Variants in TUSC3 observed in about 807,000 individuals in gnomAD.
The protein encoded by TUSC3 is tumor suppressor candidate 3, also known as dolichyl-diphosphooligosaccharide--protein glycosyltransferase subunit TUSC3.
Under a neutral mutation model 44.8 loss-of-function variants are expected in TUSC3, and 45 were observed. That is an observed-to-expected ratio of 1.00 (90% CI 0.79 to 1.29). The LOEUF (loss-of-function observed/expected upper bound fraction) is 1.29, where lower values mean the gene tolerates loss of function less well. TUSC3 is among the 50% of genes most tolerant of loss of function. The pLI is 0.00. For synonymous variants in TUSC3, 212 were observed against 152.9 expected (o/e 1.39, Z -2.85); for missense variants, 519 against 437.9 (o/e 1.19, Z -1.65).
At chr8:15,714,964 G>A (rs540312648) in intron 6 of TUSC3, among the ~76,000 whole-genome samples, 138 of 152,094 alleles carry the variant, frequency 9.1e-4, no homozygotes, top group Non-Finnish European at 1.7e-3. Context: ...ATGATACAAC[G>A]GTAACAGCAT....
At chr8:15,489,914 A>G (rs1396616991) in intron 2 of TUSC3, among the ~76,000 whole-genome samples, 3 of 152,166 alleles carry the variant, frequency 2.0e-5, no homozygotes, top group Non-Finnish European at 2.9e-5. Flanking sequence ...AAGATAAAAG[A>G]TTAATTCTGA....
chr8:15,802,417 T>A, the TUSC3 span, among the ~76,000 whole-genome samples: 2 of 152,106 alleles, frequency 1.3e-5, no homozygotes, highest in Non-Finnish European at 2.9e-5. Context: ...ATATAAATAA[T>A]TGCAAAATTT....
At chr8:15,795,631 C>G in the TUSC3 span, among the ~76,000 whole-genome samples, 4 of 152,294 alleles carry the variant, frequency 2.6e-5, no homozygotes, top group East Asian at 1.9e-4. Flanking sequence ...TGCGTGGCTA[C>G]ACACAAGAAG....
At chr8:15,779,452 CAAA>C in the TUSC3 span, among the ~76,000 whole-genome samples, 125 of 148,022 alleles carry the variant, frequency 8.4e-4, no homozygotes, top group East Asian at 1.4e-3. Context: ...ACTCAGGAAA[CAAA>C]AAAGTACAAA....
At chr8:15,600,246 A>G (rs1037499788) in intron 1 of TUSC3, among the ~76,000 whole-genome samples, 3 of 151,778 alleles carry the variant, frequency 2.0e-5, no homozygotes, top group African/African-American at 7.2e-5. Context: ...ATTTGACAGT[A>G]GGGAGAATTA....
At chr8:15,447,190 A>T (rs967878226) in intron 1 of TUSC3, among the ~76,000 whole-genome samples, 3 of 152,186 alleles carry the variant, frequency 2.0e-5, no homozygotes, top group African/African-American at 7.2e-5. Context: ...ATTCAGGAAA[A>T]CCAGGTTTCC....
chr8:15,738,076 T>A (rs991921832), intron 7 of TUSC3, among the ~76,000 whole-genome samples: 11 of 152,154 alleles, frequency 7.2e-5, no homozygotes, highest in Admixed American at 2.0e-4. Flanking sequence ...TATGTCTTAA[T>A]TACACCCATC....
intron 6 of TUSC3, among the ~76,000 whole-genome samples, chr8:15,720,059 G>A: frequency 6.6e-6 from 1 of 152,024 alleles, no homozygotes; most frequent in East Asian, 1.9e-4. Flanking sequence ...GCTGGGACTA[G>A]AGGCACTTGC....
intron 10 of TUSC3, 101 bp from the exon 11 acceptor site, chr8:15,764,102 A>G: frequency 8.4e-7 from 1 of 1,184,140 alleles, no homozygotes; most frequent in Non-Finnish European, 1.2e-6. Context: ...ATGACATTTT[A>G]ATGTTATATT....
chr8:15,530,734 T>C (rs1801438909), intron 2 of TUSC3, among the ~76,000 whole-genome samples: 1 of 152,206 alleles, frequency 6.6e-6, no homozygotes, highest in Non-Finnish European at 1.5e-5. Flanking sequence ...CACTAGCACA[T>C]ATTAAGTGTG....
At chr8:15,547,539 TAAAAC>T (rs1320227674) in intron 1 of TUSC3, among the ~76,000 whole-genome samples, 1 of 151,548 alleles carries the variant, frequency 6.6e-6, no homozygotes, top group Non-Finnish European at 1.5e-5. Context: ...AAAATAAAAA[TAAAAC>T]AAGCAACAAG....
intron 10 of TUSC3, among the ~76,000 whole-genome samples, chr8:15,761,223 A>G (rs1233516425): frequency 6.6e-6 from 1 of 152,168 alleles, no homozygotes; most frequent in East Asian, 1.9e-4. Context: ...TCCTTAGCAA[A>G]TCAAAGACAG....
intron 2 of TUSC3, among the ~76,000 whole-genome samples, chr8:15,635,965 T>C (rs546442044): frequency 6.6e-6 from 1 of 152,316 alleles, no homozygotes; most frequent in East Asian, 1.9e-4. Context: ...AAAAGATAGA[T>C]GTTTCAAAGA....
At chr8:15,521,526 C>T (rs180915812) in intron 2 of TUSC3, among the ~76,000 whole-genome samples, 1 of 152,236 alleles carries the variant, frequency 6.6e-6, no homozygotes, top group African/African-American at 2.4e-5. Flanking sequence ...CCAGGGTGAC[C>T]AATCTTTGGG....
the TUSC3 span, among the ~76,000 whole-genome samples, chr8:15,786,368 T>G: frequency 6.6e-6 from 1 of 152,236 alleles, no homozygotes; most frequent in Non-Finnish European, 1.5e-5. Context: ...CTATATAGAC[T>G]ACTTTTAAGG....
chr8:15,503,961 C>T (rs754390718), intron 2 of TUSC3, among the ~76,000 whole-genome samples: 8 of 145,292 alleles, frequency 5.5e-5, no homozygotes, highest in African/African-American at 7.7e-5. Flanking sequence ...TTGCAGCAAG[C>T]GGAGATCGCA....
chr8:15,535,631 G>T (rs1267845349), upstream of TUSC3, among the ~76,000 whole-genome samples: 1 of 152,168 alleles, frequency 6.6e-6, no homozygotes, highest in Non-Finnish European at 1.5e-5. Context: ...GATAAAGCAA[G>T]CGCTATTCTA....
chr8:15,689,082 T>C, intron 6 of TUSC3: 1 of 374,192 alleles, frequency 2.7e-6, no homozygotes, highest in South Asian at 2.3e-5. Context: ...TGCCCTGTAG[T>C]TTGCCTTTCT....
At chr8:15,801,444 G>A in the TUSC3 span, among the ~76,000 whole-genome samples, 3 of 152,228 alleles carry the variant, frequency 2.0e-5, no homozygotes, top group South Asian at 2.1e-4. Flanking sequence ...TTCACAAACT[G>A]TTTGGAGAAT....
Sources: allele counts gnomAD v4.1 joint callset (sites outside exome capture counted in the v4.1 genomes callset), GRCh38; gene constraint gnomAD v4.1.1; transcripts MANE v1.5; gene names NCBI Gene and HGNC (gene_info 2026-07-23, HGNC 2026-07-21).